The following CSMD1 variants were observed in gnomAD, a reference collection of about 807,000 sequenced individuals.
CSMD1 encodes the protein CUB and Sushi multiple domains 1, also known as CUB and sushi domain-containing protein 1.
CSMD1 carries 213 observed loss-of-function variants against 417.5 expected under a neutral mutation model. That is an observed-to-expected ratio of 0.51 (90% CI 0.46 to 0.57). The LOEUF is 0.57. Among genes scored for constraint, CSMD1 ranks in the 20% least tolerant of loss-of-function variants. The pLI, the probability that CSMD1 is intolerant of heterozygous loss-of-function variation, is 0.00. For synonymous variants in CSMD1, 2,862 were observed against 1,736.8 expected (o/e 1.65, Z -16.11); for missense variants, 6,923 against 4,529.7 (o/e 1.53, Z -15.17).
intron 1 of CSMD1, among the ~76,000 whole-genome samples, chr8:4,841,786 C>T (rs1405014001): frequency 6.6e-6 from 1 of 151,782 alleles, no homozygotes; most frequent in Admixed American, 6.6e-5. Flanking sequence ...TGGCACATGC[C>T]TGTAATCCTA....
intron 2 of CSMD1, among the ~76,000 whole-genome samples, chr8:4,440,002 T>A (rs1223556692): frequency 2.0e-5 from 3 of 152,154 alleles, no homozygotes; most frequent in Non-Finnish European, 4.4e-5. Context: ...ATGGGGGGTA[T>A]ACACTTAATT....
chr8:4,691,023 G>T lies in CSMD1; in HGVS notation c.86-53465C>A, dbSNP rs554044962. Among the ~76,000 whole-genome samples the T allele has an allele frequency of 2.6e-5, 4 of 152,228 alleles. No individual in the cohort carries two copies. The East Asian group carries it at 7.7e-4, about 29-fold the overall frequency. On this transcript the variant is annotated intron_variant, in intron 1 of 69. Coordinates refer to ENST00000635120, the MANE Select transcript of CSMD1 (RefSeq NM_033225.6). Reference sequence around the variant, plus strand: ...ATTACAGGCATGAGCCACCGTGACTGGCCAAAATTATTTTTACGCCGTGCT... The same window carrying T: ...ATTACAGGCATGAGCCACCGTGACTTGCCAAAATTATTTTTACGCCGTGCT...
chr8:4,847,949 A>AC (rs1475417011), intron 1 of CSMD1, among the ~76,000 whole-genome samples: 3 of 151,330 alleles, frequency 2.0e-5, no homozygotes, highest in Admixed American at 2.0e-4. Context: ...AGCAAGCACC[A>AC]CCCCCCATCC....
chr8:3,815,505 G>T (rs1027990853), intron 5 of CSMD1, among the ~76,000 whole-genome samples: 5 of 151,620 alleles, frequency 3.3e-5, no homozygotes, highest in Non-Finnish European at 5.9e-5. Context: ...ATATGTGTAA[G>T]ACTATGTTTA....
In CSMD1 at chr8:3,984,088, A is replaced by G. The variant is rs200134065; in HGVS notation, c.818+13815T>C. ...CAGCTCTAGAGCACACCACAGATCT[A>G]ACAGGGCTGTCAATAGCAACTCTAG... On this transcript the variant is annotated intron_variant, in intron 5 of 69. Coordinates refer to ENST00000635120, the MANE Select transcript of CSMD1 (RefSeq NM_033225.6). 1.1e-3 allele frequency among the ~76,000 whole-genome samples: 24 copies of G among 21,910 alleles called. 1 individual carries two copies. The East Asian group carries it at 0.026, about 24-fold the overall frequency. 14.4% of individuals were successfully genotyped at this position (21,910 alleles called of 152,430 possible). A position where few individuals can be genotyped will look rare whatever the true frequency, so the allele number is the denominator to read the frequency against.
At chr8:4,092,678 T>G (rs568648341) in intron 3 of CSMD1, among the ~76,000 whole-genome samples, 1 of 152,168 alleles carries the variant, frequency 6.6e-6, no homozygotes, top group Non-Finnish European at 1.5e-5. Context: ...TAGGTCCTTT[T>G]TCTTGAATAT....
At chr8:4,766,173 G>A (rs1420285203) in intron 1 of CSMD1, among the ~76,000 whole-genome samples, 2 of 152,148 alleles carry the variant, frequency 1.3e-5, no homozygotes, top group East Asian at 1.9e-4. Context: ...TAGACCTGAT[G>A]CATTTTCCAT....
intron 2 of CSMD1, among the ~76,000 whole-genome samples, chr8:4,447,942 A>T (rs543763115): frequency 2.6e-5 from 4 of 152,154 alleles, no homozygotes; most frequent in Admixed American, 2.6e-4. Context: ...CACTCACCAT[A>T]TTTTTTAAAA....
At chr8:4,559,037 C>G (rs1417434859) in intron 2 of CSMD1, among the ~76,000 whole-genome samples, 1 of 152,048 alleles carries the variant, frequency 6.6e-6, no homozygotes, top group Non-Finnish European at 1.5e-5. Flanking sequence ...TGCAAAGTCC[C>G]CCTTTGGAGC....
intron 5 of CSMD1, among the ~76,000 whole-genome samples, chr8:3,839,984 G>T (rs570318190): frequency 6.6e-6 from 1 of 152,070 alleles, no homozygotes; most frequent in African/African-American, 2.4e-5. Context: ...GATGTTGAAG[G>T]ATGCATTTAA....
rs201530920 is a variant in CSMD1 at position 3,918,577 on chromosome 8, G to C, written c.818+79326C>G. Among the ~76,000 whole-genome samples, 10 of 151,772 alleles carry C rather than the reference G, an allele frequency of 6.6e-5. No homozygotes were observed. In the East Asian group the frequency reaches 1.9e-3, roughly 29 times the overall value. On this transcript the variant is annotated intron_variant, in intron 5 of 69. Coordinates refer to ENST00000635120, the MANE Select transcript of CSMD1 (RefSeq NM_033225.6). ...AGTATATGCATTTCTTATATATTTT[G>C]GACATTAACCCCTTATTGAATACGT...
intron 5 of CSMD1, among the ~76,000 whole-genome samples, chr8:3,976,400 T>G (rs13267306): frequency 0.049 from 7,391 of 152,240 alleles, 184 homozygotes; most frequent in East Asian, 0.093. Flanking sequence ...AGTTGCTGCT[T>G]CTTCTACTAG....
At chr8:4,291,918 C>T (rs919853926) in intron 3 of CSMD1, among the ~76,000 whole-genome samples, 1 of 152,154 alleles carries the variant, frequency 6.6e-6, no homozygotes, top group African/African-American at 2.4e-5. Flanking sequence ...GGAACAGAAC[C>T]TTCTGCCCTA....
At chr8:3,378,111 G>A (rs371982666) in intron 18 of CSMD1, among the ~76,000 whole-genome samples, 1 of 152,140 alleles carries the variant, frequency 6.6e-6, no homozygotes, top group Non-Finnish European at 1.5e-5. Flanking sequence ...TTGATTGTTG[G>A]TAAGAAGAGA....
intron 5 of CSMD1, among the ~76,000 whole-genome samples, chr8:3,931,661 T>C (rs181698948): frequency 6.7e-6 from 1 of 149,336 alleles, no homozygotes; most frequent in African/African-American, 2.5e-5. Context: ...CCTTGTATAG[T>C]TCTAAAAAAC....
rs969760021 is a variant in CSMD1, at chr8:3,374,851, C to G, written c.2783-5481G>C. 4.6e-5 allele frequency among the ~76,000 whole-genome samples: 7 copies of G among 152,258 alleles called. No homozygotes were observed. The East Asian group carries it at 5.8e-4, about 13-fold the overall frequency. ...CCACCCGCACCACCCCATCACTTCC[C>G]CAGACCCTGCCAAAGTCTTCTAATA... On this transcript the variant is annotated intron_variant, in intron 18 of 69. Coordinates refer to ENST00000635120, the MANE Select transcript of CSMD1 (RefSeq NM_033225.6).
chr8:3,558,583 G>GTGCCTCAATAGTACCCC (rs1563152899), intron 10 of CSMD1, among the ~76,000 whole-genome samples: 14 of 100,162 alleles, frequency 1.4e-4, no homozygotes, highest in South Asian at 3.1e-4. Flanking sequence ...AATGATGAAT[G>GTGCCTCAATAGTACCCC]GTGTCTCAAT....
At chr8:3,948,212 C>T (rs1024301364) in intron 5 of CSMD1, among the ~76,000 whole-genome samples, 1 of 151,656 alleles carries the variant, frequency 6.6e-6, no homozygotes, top group African/African-American at 2.4e-5. Context: ...TAAATAATAA[C>T]AATAATAATA....
chr8:3,300,763 C>A (rs924606887), intron 25 of CSMD1, among the ~76,000 whole-genome samples: 2 of 151,666 alleles, frequency 1.3e-5, no homozygotes, highest in Non-Finnish European at 2.9e-5. Context: ...TTGAGACTAG[C>A]CTGGCAACAG....
Sources: allele counts gnomAD v4.1 joint callset (sites outside exome capture counted in the v4.1 genomes callset), GRCh38; gene constraint gnomAD v4.1.1; transcripts MANE v1.5; gene names NCBI Gene and HGNC (gene_info 2026-07-23, HGNC 2026-07-21).